Variants in TOGARAM2 observed in about 807,000 individuals in gnomAD.
The protein encoded by TOGARAM2 is TOG array regulator of axonemal microtubules 2.
Under a neutral mutation model 93.3 loss-of-function variants are expected in TOGARAM2, and 85 were observed. That is an observed-to-expected ratio of 0.91 (90% confidence interval 0.76 to 1.09). TOGARAM2 has a LOEUF of 1.09. TOGARAM2 is among the 50% of genes least tolerant of loss of function. The pLI is 0.00. For missense variants in TOGARAM2, 1,277 were observed against 1,334.5 expected, an observed-to-expected ratio of 0.96 and a Z score of 0.67; for synonymous variants, 593 against 552.8, an observed-to-expected ratio of 1.07 and a Z score of -1.02.
chr2:28,966,972 G>A (rs1671875165), intron 1 of TOGARAM2, among the ~76,000 whole-genome samples: 1 of 152,126 alleles, frequency 6.6e-6, no homozygotes, highest in African/African-American at 2.4e-5. Context: ...AGCCATATAG[G>A]TTTTATTTTT....
chr2:29,026,820 G>T, intron 13 of TOGARAM2, 33 bp from the exon 14 acceptor site: 3 of 1,545,906 alleles, frequency 1.9e-6, no homozygotes, highest in Non-Finnish European at 2.6e-6. Context: ...CCACTATCCT[G>T]AGACTGACCC....
chr2:28,983,177 A>AATATATAAATATATATATATATAT (rs1553334841), intron 1 of TOGARAM2, among the ~76,000 whole-genome samples: 1 of 32,390 alleles, frequency 3.1e-5, no homozygotes, highest in Non-Finnish European at 5.3e-5. Flanking sequence ...TGTATATATA[A>AATATATAAATATATATATATATAT]ATATATATAT....
rs780235937 is a variant in TOGARAM2 at position 29,014,488 on chromosome 2, C to G, written c.971C>G (p.Ala324Gly). The G allele has an allele frequency of 3.8e-6, 6 of 1,591,094 alleles. No homozygotes were observed. The highest frequency in any genetic ancestry group is 1.7e-4 in the Middle Eastern group (1 of 6,030). ...TCTCAGTCTGCTCCCACGCTGACAG[C>G]CTTCTCCTTTGACTGTGCCAGAGAA... ...PFSQSAPTLT[A>G]FSFDCAREAC... is the part of the protein sequence containing the mutation. Residue 324 changes from alanine to glycine, a missense_variant, in exon 8 of 20, where the codon GCC (alanine) becomes GGC (glycine). By Grantham distance (60) the Ala-to-Gly change is moderately conservative. Coordinates refer to ENST00000379558, the MANE Select transcript of TOGARAM2 (RefSeq NM_199280.4).
At position 29,046,076 on chromosome 2, in the gene TOGARAM2, G is replaced by A. The variant is rs990348608; in HGVS notation, c.2722+666G>A. The A allele has an allele frequency of 4.5e-5, 7 of 156,110 alleles. 1 individual carries two copies. Among genetic ancestry groups the A allele is most frequent in the Admixed American group, 4.4e-4 (7 of 16,000 alleles). 9.7% of individuals were successfully genotyped at this position (156,110 alleles called of 1,614,324 possible). A position where few individuals can be genotyped will look rare whatever the true frequency, so the allele number is the denominator to read the frequency against. On this transcript the variant is annotated intron_variant, in intron 19 of 19. Coordinates refer to ENST00000379558, the MANE Select transcript of TOGARAM2 (RefSeq NM_199280.4). ...AGCCTGGCAAGCAGGCACCAGCTGG[G>A]TTTCAACCCCTCAGGACCCCTTGGC... is the stretch of plus-strand genomic sequence containing the variant.
chr2:29,030,533 A>G (rs941038162), intron 14 of TOGARAM2, among the ~76,000 whole-genome samples: 119 of 152,136 alleles, frequency 7.8e-4, no homozygotes, highest in Non-Finnish European at 4.4e-5. Flanking sequence ...ATGGAAATCA[A>G]GGTCTAAAGT....
chr2:29,029,708 A>T (rs990986787), intron 14 of TOGARAM2, among the ~76,000 whole-genome samples: 1 of 148,986 alleles, frequency 6.7e-6, no homozygotes, highest in Non-Finnish European at 1.5e-5. Context: ...GTGAACCGAG[A>T]TCGCGCCACT....
chr2:29,051,502 A>G (rs1324230051), intron 19 of TOGARAM2: 2 of 341,868 alleles, frequency 5.9e-6, no homozygotes, highest in African/African-American at 4.2e-5. Context: ...TCCATAAAAA[A>G]TATTTAAAAA....
rs553841769 is a variant in TOGARAM2, at chr2:29,026,916, C to G, written c.1917C>G (p.Ile639Met). Reference protein sequence around the residue: ...AEHLSAVLEQIGAEKLLSGTR... With the variant: ...AEHLSAVLEQMGAEKLLSGTR... ...ACCTCTCAGCTGTGCTGGAGCAGAT[C>G]GGCGCTGAGAAGCTTCTCTCGGGCA... Residue 639 changes from isoleucine to methionine, a missense_variant, in exon 14 of 20, where the codon ATC (isoleucine) becomes ATG (methionine). Ile to Met is a conservative substitution (Grantham distance 10, BLOSUM62 1). Transcript: ENST00000379558. 3 of 1,587,376 alleles carry G rather than the reference C, an allele frequency of 1.9e-6. No homozygotes were observed. The highest frequency in any genetic ancestry group is 2.6e-6 in the Non-Finnish European group (3 of 1,166,944).
intron 1 of TOGARAM2, among the ~76,000 whole-genome samples, chr2:28,965,524 A>G (rs1286591059): frequency 6.6e-6 from 1 of 152,208 alleles, no homozygotes; most frequent in Non-Finnish European, 1.5e-5. Flanking sequence ...AGTTATCAAC[A>G]GGGATCCGTC....
intron 2 of TOGARAM2, among the ~76,000 whole-genome samples, chr2:28,995,916 G>A (rs1672966805): frequency 6.6e-6 from 1 of 152,232 alleles, no homozygotes; most frequent in South Asian, 2.1e-4. Flanking sequence ...GGCTGAGCCA[G>A]GAGGGTGTGG....
intron 10 of TOGARAM2, among the ~76,000 whole-genome samples, chr2:29,019,303 G>A (rs1056467053): frequency 3.3e-5 from 5 of 151,314 alleles, no homozygotes; most frequent in Admixed American, 3.3e-4. Context: ...TCAGCCTCCT[G>A]AGTAGCTGGG....
intron 4 of TOGARAM2, among the ~76,000 whole-genome samples, 187 bp downstream of exon 4, chr2:28,999,655 C>T (rs550701913): frequency 1.4e-4 from 21 of 152,300 alleles, no homozygotes; most frequent in Non-Finnish European, 2.4e-4. Flanking sequence ...GCCTCCCTCC[C>T]GGGCTCTGCA....
At chr2:28,990,602 C>T (rs548001247) in intron 1 of TOGARAM2, among the ~76,000 whole-genome samples, 3 of 152,198 alleles carry the variant, frequency 2.0e-5, no homozygotes, top group South Asian at 2.1e-4. Flanking sequence ...ATTTCCTACC[C>T]GTTTTGATCC....
chr2:29,011,208 G>T (rs146049493), intron 6 of TOGARAM2, among the ~76,000 whole-genome samples: 3 of 152,212 alleles, frequency 2.0e-5, no homozygotes, highest in African/African-American at 7.2e-5. Context: ...TGGGGAATGC[G>T]CGAGCTGCAC....
intron 1 of TOGARAM2, among the ~76,000 whole-genome samples, chr2:28,975,133 G>C (rs1304361453): frequency 6.6e-6 from 1 of 150,562 alleles, no homozygotes; most frequent in Non-Finnish European, 1.5e-5. Flanking sequence ...AAAACTTCCA[G>C]TTGTTTTTCT....
intron 6 of TOGARAM2, among the ~76,000 whole-genome samples, chr2:29,005,939 TG>T (rs1663751867): frequency 6.9e-6 from 1 of 145,472 alleles, no homozygotes; most frequent in African/African-American, 2.6e-5. Context: ...AGTGTGTGTG[TG>T]GGGTATGTGT....
At chr2:29,042,184 A>G (rs1666475034) in intron 18 of TOGARAM2, among the ~76,000 whole-genome samples, 1 of 152,214 alleles carries the variant, frequency 6.6e-6, no homozygotes, top group African/African-American at 2.4e-5. Flanking sequence ...GTGAGCCTTC[A>G]CTCTAAAAGT....
At chr2:29,048,279 T>C (rs980142101) in intron 19 of TOGARAM2, 1 of 152,032 alleles carries the variant, frequency 6.6e-6, no homozygotes, top group African/African-American at 2.4e-5. Context: ...ACGTAGGAAT[T>C]GTGGGAGCTA....
chr2:29,011,829 T>A (rs554590193), intron 7 of TOGARAM2, among the ~76,000 whole-genome samples: 1 of 152,380 alleles, frequency 6.6e-6, no homozygotes, highest in East Asian at 1.9e-4. Context: ...ACGAAGGCTC[T>A]GTGAGCAGGA....
Sources: gnomAD v4.1 joint callset for allele counts (sites outside exome capture counted in the v4.1 genomes callset) on GRCh38, gnomAD v4.1.1 for gene constraint, MANE v1.5 for transcripts, NCBI Gene and HGNC (gene_info 2026-07-23, HGNC 2026-07-21) for gene names.